RNASEL: variants seen among roughly 807,000 people sequenced by gnomAD.
The protein encoded by RNASEL is 2-5A-dependent ribonuclease.
RNASEL carries 36 observed loss-of-function variants against 50.9 expected under a neutral mutation model. The ratio of observed to expected loss-of-function variants is 0.71; its 90% CI spans 0.54 to 0.93. The LOEUF (loss-of-function observed/expected upper bound fraction) is 0.93, where lower values mean the gene tolerates loss of function less well. Ranked by LOEUF, RNASEL falls within the 40% of genes least tolerant of loss-of-function variation. RNASEL has a pLI of 0.00. For missense variants in RNASEL, 860 were observed against 894.5 expected (o/e 0.96, Z 0.49); for synonymous variants, 335 against 335.6 (o/e 1.00, Z 0.02).
rs183399204 is a variant in RNASEL, at chr1:182,585,573, G to C, written c.1234C>G (p.Arg412Gly). The C allele has an allele frequency of 1.5e-4, 238 of 1,614,092 alleles. No individual in the cohort carries two copies. The Admixed American group carries it at 1.6e-3, about 11-fold the overall frequency. The change falls in exon 2 of 7, where the codon CGA (arginine) becomes GGA (glycine). Residue 412 changes from arginine to glycine, a missense_variant. Transcript: ENST00000367559. The part of the protein sequence containing the change: ...QREVSCLQSS[R>G]ENSHLVTFYG... The stretch of plus-strand genomic sequence containing the variant: ...AATGTCACCAAGTGACTGTTCTCTC[G>C]GCTGCTTTGCAGACAAGAGACTTCC...
At position 182,584,154 on chromosome 1, in the gene RNASEL, G is replaced by T. The variant is rs563368679; in HGVS notation, c.1493C>A (p.Ala498Asp). The change falls in exon 3 of 7, where the codon GCT (alanine) becomes GAT (aspartate). Residue 498 changes from alanine (A) to aspartate (D), a missense_variant. Physicochemically the swap from Ala to Asp is moderately radical, Grantham distance 126 (BLOSUM62 -2). Transcript: ENST00000367559. ...PQNILIDSKKAAHLADFDKSI... is the reference protein window; with the variant it reads ...PQNILIDSKKDAHLADFDKSI... ...CTTATCAAAATCTGCCAGGTGAGCA[G>T]CTTTCTTAGAATCTAAGGAAAAGTT... The T allele has an allele frequency of 1.2e-6, 2 of 1,613,714 alleles. No homozygotes were observed. Among genetic ancestry groups the T allele is most frequent in the South Asian group, 2.2e-5 (2 of 91,076 alleles).
rs1156926505 is a variant in RNASEL at position 182,579,968 on chromosome 1, T to A, written c.1905+1257A>T. On this transcript the variant is annotated intron_variant, in intron 5 of 6. Coordinates refer to ENST00000367559, the MANE Select transcript of RNASEL (RefSeq NM_021133.4). ...TGGTGCACCCCTTACTGGTTCTGTG[T>A]AGTTGGAAAAATTATTTGTCTGTGC... The A allele has an allele frequency of 8.8e-6, 4 of 457,082 alleles. No individual in the cohort carries two copies. The East Asian group carries it at 2.8e-4, about 32-fold the overall frequency. 28.3% of individuals were successfully genotyped at this position (457,082 alleles called of 1,614,324 possible). A position where few individuals can be genotyped will look rare whatever the true frequency, so the allele number is the denominator to read the frequency against.
rs1661336444 is a variant in RNASEL, at chr1:182,573,880, C to T, written c.*1512G>A. On this transcript the variant is annotated 3_prime_UTR_variant, in exon 7 of 7. Coordinates refer to ENST00000367559, the MANE Select transcript of RNASEL (RefSeq NM_021133.4). ...AAGAACCTAAGGTACTGTTTTATTC[C>T]CATTACAAAGCTCCATCTCAACCAC... is the stretch of plus-strand genomic sequence containing the variant. The T allele has an allele frequency of 5.1e-6, 1 of 195,852 alleles. No individual in the cohort carries two copies. 12.1% of individuals were successfully genotyped at this position (195,852 alleles called of 1,614,324 possible).
rs373482948 is a variant in RNASEL, at chr1:182,586,164, C to G, written c.643G>C (p.Asp215His). 6.2e-7 allele frequency: 1 copy of G among 1,614,082 alleles called. No homozygotes were observed. The highest frequency in any genetic ancestry group is 1.3e-5 in the African/African-American group (1 of 74,914). ...TGCGTAATAGCCTCCACATCACTATCGTCAGAGCTCAGGAGAGCATGGATC... is the reference window on the plus strand; with the variant it reads ...TGCGTAATAGCCTCCACATCACTATGGTCAGAGCTCAGGAGAGCATGGATC... ...ALIHALLSSD[D>H]SDVEAITHLL... Residue 215 changes from aspartate (D) to histidine (H), a missense_variant, in exon 2 of 7, where the codon GAT becomes CAT. Asp to His is a moderately conservative substitution (Grantham distance 81). Coordinates refer to ENST00000367559, the MANE Select transcript of RNASEL (RefSeq NM_021133.4).
Position 182,584,151 on chromosome 1 carries a change from G to T in RNASEL, c.1496C>A (p.Ala499Asp). 6.2e-7 allele frequency: 1 copy of T among 1,613,782 alleles called. No homozygotes were observed. The highest frequency in any genetic ancestry group is 1.1e-5 in the South Asian group (1 of 91,072). The change falls in exon 3 of 7, where the codon GCT (alanine) becomes GAT (aspartate). Residue 499 changes from alanine (A) to aspartate (D), a missense_variant. Coordinates refer to ENST00000367559, the MANE Select transcript of RNASEL (RefSeq NM_021133.4). ...GCTCTTATCAAAATCTGCCAGGTGA[G>T]CAGCTTTCTTAGAATCTAAGGAAAA... Reference protein sequence around the residue: ...QNILIDSKKAAHLADFDKSIK... With the variant: ...QNILIDSKKADHLADFDKSIK...
chr1:182,575,489 G>T lies in RNASEL; in HGVS notation c.2129C>A (p.Thr710Lys), dbSNP rs1358122392. 1.2e-6 allele frequency: 2 copies of T among 1,614,184 alleles called. No individual in the cohort carries two copies. The highest frequency in any genetic ancestry group is 2.2e-5 in the South Asian group (2 of 91,084). Reference sequence around the variant, plus strand: ...TTGGGGGAAATGCTTTCTATATTCTGTGTTCTGTAGTTTTGTGTAGACATA... The same window carrying T: ...TTGGGGGAAATGCTTTCTATATTCTTTGTTCTGTAGTTTTGTGTAGACATA... ...VIYVYTKLQN[T>K]EYRKHFPQTH... Residue 710 changes from threonine to lysine, a missense_variant, in exon 7 of 7, where the codon ACA becomes AAA. Coordinates refer to ENST00000367559, the MANE Select transcript of RNASEL (RefSeq NM_021133.4).
At position 182,585,936 on chromosome 1, in the gene RNASEL, A is replaced by G; in HGVS notation, c.871T>C (p.Leu291=). ...GTACTGGCTCCACGTTTGCACAGCA[A>G]CTCGGCGATTTTCTTCAGTTTGAGT... ...VELKLKKIAE[L]LCKRGASTDC... The change falls in exon 2 of 7, where the codon TTG becomes CTG. Residue 291 remains leucine (L), a synonymous_variant. Coordinates refer to ENST00000367559, the MANE Select transcript of RNASEL (RefSeq NM_021133.4). 6.2e-7 allele frequency: 1 copy of G among 1,614,038 alleles called. No individual in the cohort carries two copies. Among genetic ancestry groups the G allele is most frequent in the Non-Finnish European group, 8.5e-7 (1 of 1,180,002 alleles).
At position 182,585,860 on chromosome 1, in the gene RNASEL, A is replaced by T; in HGVS notation, c.947T>A (p.Leu316His). Residue 316 changes from leucine (L) to histidine (H), a missense_variant, in exon 2 of 7, where the codon CTT (leucine) becomes CAT (histidine). Coordinates refer to ENST00000367559, the MANE Select transcript of RNASEL (RefSeq NM_021133.4). ...MTARRNYDHS[L>H]VKVLLSHGAK... ...TCCATGAGAGAGAAGAACCTTCACAAGGGAATGGTCATAATTCCGCCTCGC... is the reference window on the plus strand; with the variant it reads ...TCCATGAGAGAGAAGAACCTTCACATGGGAATGGTCATAATTCCGCCTCGC... 1 of 1,613,086 alleles carries T rather than the reference A, an allele frequency of 6.2e-7. No individual in the cohort carries two copies. The highest frequency in any genetic ancestry group is 8.5e-7 in the Non-Finnish European group (1 of 1,179,276).
chr1:182,585,787 G>C lies in RNASEL; in HGVS notation c.1020C>G (p.Ser340Arg), dbSNP rs1331447291. 1.9e-6 allele frequency: 3 copies of C among 1,614,086 alleles called. No individual in the cohort carries two copies. ...HPPAEDWKPQ[S>R]SHWGAALKDL... ...CCTTCAGGGCTGCCCCCCAGTGTGA[G>C]CTCTGAGGCTTCCAGTCTTCAGCAG... The change falls in exon 2 of 7, where the codon AGC becomes AGG. Residue 340 changes from serine to arginine, a missense_variant. Ser to Arg is a moderately radical substitution (Grantham distance 110). Coordinates refer to ENST00000367559, the MANE Select transcript of RNASEL (RefSeq NM_021133.4).
At chr1:182,582,586 C>G (rs1661517485) in intron 3 of RNASEL, among the ~76,000 whole-genome samples, 2 of 152,148 alleles carry the variant, frequency 1.3e-5, no homozygotes, top group Non-Finnish European at 2.9e-5. Flanking sequence ...GCTTTAAACA[C>G]AGGGAGAACT....
rs987638166 is a variant in RNASEL at position 182,585,805 on chromosome 1, T to A, written c.1002A>T (p.Glu334Asp). ...AGTGTGAGCTCTGAGGCTTCCAGTC[T>A]TCAGCAGGAGGGTGAAAATCTTCTT... ...GAKEDFHPPA[E>D]DWKPQSSHWG... Residue 334 changes from glutamate (E) to aspartate (D), a missense_variant, in exon 2 of 7, where the codon GAA becomes GAT. Transcript: ENST00000367559. The A allele has an allele frequency of 7.4e-6, 12 of 1,614,142 alleles. No homozygotes were observed. Among genetic ancestry groups the A allele is most frequent in the Non-Finnish European group, 8.5e-6 (10 of 1,180,026 alleles).
rs2102370771 is a variant in RNASEL, at chr1:182,585,828, C to T, written c.979G>A (p.Glu327Lys). The T allele has an allele frequency of 1.2e-6, 2 of 1,613,860 alleles. No homozygotes were observed. The highest frequency in any genetic ancestry group is 1.7e-6 in the Non-Finnish European group (2 of 1,179,916). ...VKVLLSHGAKEDFHPPAEDWK... is the reference protein window; with the variant it reads ...VKVLLSHGAKKDFHPPAEDWK... ...TCTTCAGCAGGAGGGTGAAAATCTTCTTTGGCTCCATGAGAGAGAAGAACC... is the reference window on the plus strand; with the variant it reads ...TCTTCAGCAGGAGGGTGAAAATCTTTTTTGGCTCCATGAGAGAGAAGAACC... Residue 327 changes from glutamate to lysine, a missense_variant, in exon 2 of 7, where the codon GAA becomes AAA. Coordinates refer to ENST00000367559, the MANE Select transcript of RNASEL (RefSeq NM_021133.4).
intron 5 of RNASEL, chr1:182,579,908 T>G (rs1315309611): frequency 2.1e-6 from 1 of 468,212 alleles, no homozygotes; most frequent in Admixed American, 2.3e-5. Flanking sequence ...CTTAAGCACA[T>G]GGCCTCTGCA....
chr1:182,575,438 C>T lies in RNASEL; in HGVS notation c.2180G>A (p.Cys727Tyr), dbSNP rs143374873. The change falls in exon 7 of 7, where the codon TGT becomes TAT. Residue 727 changes from cysteine (C) to tyrosine (Y), a missense_variant. By Grantham distance (194) the Cys-to-Tyr change is radical (BLOSUM62 -2). Coordinates refer to ENST00000367559, the MANE Select transcript of RNASEL (RefSeq NM_021133.4). Reference sequence around the variant, plus strand: ...CCCACTGGCCCCACCAGCTCCATCACACTGAGGCTTGTTTGGACTGTGGGT... The same window carrying T: ...CCCACTGGCCCCACCAGCTCCATCATACTGAGGCTTGTTTGGACTGTGGGT... ...PQTHSPNKPQ[C>Y]DGAGGASGLA... 4.3e-6 allele frequency: 7 copies of T among 1,614,200 alleles called. No homozygotes were observed. The highest frequency in any genetic ancestry group is 2.7e-5 in the African/African-American group (2 of 75,040).
At position 182,586,754 on chromosome 1, in the gene RNASEL, C is replaced by T. The variant is rs761513761; in HGVS notation, c.53G>A (p.Gly18Asp). The part of the protein sequence containing the change: ...NPQEGPTSSS[G>D]RRAAVEDNHL... ...ATTGTCTTCCACTGCAGCCCTTCTA[C>T]CGCTGGAGGACGTGGGTCCCTCCTG... The change falls in exon 2 of 7, where the codon GGT becomes GAT. Residue 18 changes from glycine (G) to aspartate (D), a missense_variant. By Grantham distance (94) the Gly-to-Asp change is moderately conservative (BLOSUM62 -1). Coordinates refer to ENST00000367559, the MANE Select transcript of RNASEL (RefSeq NM_021133.4). The T allele has an allele frequency of 6.2e-7, 1 of 1,614,282 alleles. No individual in the cohort carries two copies. Among genetic ancestry groups the T allele is most frequent in the East Asian group, 2.2e-5 (1 of 44,890 alleles).
In RNASEL at chr1:182,576,306, T is replaced by C. The variant is rs1571262408; in HGVS notation, c.1989A>G (p.Leu663=). The change falls in exon 6 of 7, where the codon CTA becomes CTG. Residue 663 remains leucine (L), a synonymous_variant. Transcript: ENST00000367559. ...NFYQNTVGDL[L]KFIRNLGEHI... The stretch of plus-strand genomic sequence containing the variant: ...GTTCTCCCAAATTCCGGATGAACTT[T>C]AGCAGATCACCCACAGTGTTCTGGT... 5.6e-6 allele frequency: 9 copies of C among 1,612,858 alleles called. No homozygotes were observed. Among genetic ancestry groups the C allele is most frequent in the South Asian group, 2.2e-5 (2 of 90,812 alleles).
At position 182,586,697 on chromosome 1, in the gene RNASEL, T is replaced by A; in HGVS notation, c.110A>T (p.Asp37Val). 1 of 1,614,254 alleles carries A rather than the reference T, an allele frequency of 6.2e-7. No individual in the cohort carries two copies. The highest frequency in any genetic ancestry group is 8.5e-7 in the Non-Finnish European group (1 of 1,180,050). ...HLLIKAVQNEDVDLVQQLLEG... is the reference protein window; with the variant it reads ...HLLIKAVQNEVVDLVQQLLEG... ...CAGCAATTGCTGGACCAGGTCAACATCTTCGTTTTGAACAGCTTTAATCAG... is the reference window on the plus strand; with the variant it reads ...CAGCAATTGCTGGACCAGGTCAACAACTTCGTTTTGAACAGCTTTAATCAG... Residue 37 changes from aspartate (D) to valine (V), a missense_variant, in exon 2 of 7, where the codon GAT (aspartate) becomes GTT (valine). Transcript: ENST00000367559.
intron 5 of RNASEL, chr1:182,579,389 G>A: frequency 1.0e-6 from 1 of 992,488 alleles, no homozygotes; most frequent in South Asian, 4.5e-5. Flanking sequence ...AGATCAAGAT[G>A]CAACAGTCAA....
At chr1:182,583,939 C>T (rs756984585) in intron 3 of RNASEL, 142 bp downstream of exon 3, 6 of 703,312 alleles carry the variant, frequency 8.5e-6, no homozygotes, top group Non-Finnish European at 1.5e-5. Flanking sequence ...ATGTTGTGAC[C>T]GTGTGAGTCA....
Sources: gnomAD v4.1 joint callset for allele counts (sites outside exome capture counted in the v4.1 genomes callset) on GRCh38, gnomAD v4.1.1 for gene constraint, MANE v1.5 for transcripts, NCBI Gene and HGNC (gene_info 2026-07-23, HGNC 2026-07-21) for gene names.